Variants in ABLIM1 observed in about 807,000 individuals in gnomAD.
ABLIM1 encodes actin-binding LIM protein 1.
Under a neutral mutation model 107.0 loss-of-function variants are expected in ABLIM1, and 40 were observed. That is an observed-to-expected ratio of 0.37 (90% CI 0.29 to 0.49). The LOEUF is 0.49. ABLIM1 is among the 20% of genes least tolerant of loss of function. The pLI is 0.97. For synonymous variants in ABLIM1, 357 were observed against 357.3 expected (o/e 1.00, Z 0.01); for missense variants, 857 against 1,008.5 (o/e 0.85, Z 2.04).
intron 4 of ABLIM1, among the ~76,000 whole-genome samples, chr10:114,556,647 T>C (rs927892026): frequency 4.6e-5 from 7 of 152,208 alleles, no homozygotes; most frequent in Non-Finnish European, 8.8e-5. Context: ...AAACCTCTCC[T>C]TGACCAAAAA....
At chr10:114,521,151 T>C (rs1239194138) in intron 6 of ABLIM1, among the ~76,000 whole-genome samples, 2 of 152,194 alleles carry the variant, frequency 1.3e-5, no homozygotes, top group South Asian at 2.1e-4. Flanking sequence ...TTTCATTCAT[T>C]TGGCAAAAGC....
chr10:114,432,814 A>T lies in ABLIM1; in HGVS notation c.*3446T>A, dbSNP rs1351079179. 2.6e-5 allele frequency: 4 copies of T among 152,178 alleles called. No individual in the cohort carries two copies. The highest frequency in any genetic ancestry group is 9.6e-5 in the African/African-American group (4 of 41,456). The allele number at this position is 152,178 out of a possible 1,614,324, so 9.4% of individuals were successfully genotyped here. ...CCCATTTAAAAAAAAACAACAACTC[A>T]TTAACTCTATCTCTTTGAGGTTTTG... On this transcript the variant is annotated 3_prime_UTR_variant, in exon 23 of 23. Coordinates refer to ENST00000533213, the MANE Select transcript of ABLIM1 (RefSeq NM_002313.7).
chr10:114,505,686 G>A (rs1355751805), intron 6 of ABLIM1, among the ~76,000 whole-genome samples: 1 of 152,178 alleles, frequency 6.6e-6, no homozygotes, highest in African/African-American at 2.4e-5. Context: ...GCAAATGGCT[G>A]ATCCCAATTC....
At chr10:114,678,397 C>T (rs543271949) in intron 1 of ABLIM1, among the ~76,000 whole-genome samples, 6 of 152,322 alleles carry the variant, frequency 3.9e-5, no homozygotes, top group African/African-American at 1.2e-4. Flanking sequence ...CTAAACTAAT[C>T]TTTATCGCCT....
chr10:114,558,600 C>T (rs183885197), intron 4 of ABLIM1, among the ~76,000 whole-genome samples: 2 of 152,210 alleles, frequency 1.3e-5, no homozygotes, highest in African/African-American at 2.4e-5. Flanking sequence ...AGAGCAAGTA[C>T]TCCAGCTACT....
intron 14 of ABLIM1, 110 bp downstream of exon 14, chr10:114,451,514 C>A: frequency 1.0e-6 from 1 of 991,462 alleles, no homozygotes; most frequent in South Asian, 1.3e-5. Context: ...TGCTGGATGC[C>A]CCAGTTTTAC....
At chr10:114,769,172 G>GAAAAAA (rs35691537), upstream of ABLIM1, among the ~76,000 whole-genome samples, 23 of 46,512 alleles carry the variant, frequency 4.9e-4, no homozygotes, top group Admixed American at 8.4e-4. Context: ...TGTCTTCAAT[G>GAAAAAA]AAAAAAAAAA....
the ABLIM1 span, among the ~76,000 whole-genome samples, chr10:114,789,519 C>T: frequency 6.6e-6 from 1 of 152,068 alleles, no homozygotes; most frequent in Admixed American, 6.6e-5. Context: ...TAGGTAAACT[C>T]GTGAACTAAT....
At chr10:114,776,579 C>G in the ABLIM1 span, among the ~76,000 whole-genome samples, 4 of 152,106 alleles carry the variant, frequency 2.6e-5, no homozygotes, top group African/African-American at 9.7e-5. Context: ...TGCCACTGCA[C>G]TCCAGCCTGG....
In ABLIM1 at chr10:114,551,721, C is replaced by A. The variant is rs941769195; in HGVS notation, c.674-3945G>T. On this transcript the variant is annotated intron_variant, in intron 4 of 22. Coordinates refer to ENST00000533213, the MANE Select transcript of ABLIM1 (RefSeq NM_002313.7). ...CCAGTCTCTAGACCCTATTTTCCTGCCTCACCACTATGATCATTCTGCACT... is the reference window on the plus strand; with the variant it reads ...CCAGTCTCTAGACCCTATTTTCCTGACTCACCACTATGATCATTCTGCACT... Among the ~76,000 whole-genome samples, 15 of 152,230 alleles carry A rather than the reference C, an allele frequency of 9.9e-5. 1 individual carries two copies. Among genetic ancestry groups the A allele is most frequent in the Admixed American group, 9.2e-4 (14 of 15,280 alleles).
chr10:114,719,551 T>C (rs1417159420), intron 1 of ABLIM1, among the ~76,000 whole-genome samples: 1 of 152,252 alleles, frequency 6.6e-6, no homozygotes, highest in African/African-American at 2.4e-5. Context: ...GACCTTTGGA[T>C]GGCTGGTGTC....
intron 1 of ABLIM1, among the ~76,000 whole-genome samples, chr10:114,693,779 G>A (rs1259934975): frequency 6.6e-6 from 1 of 151,324 alleles, no homozygotes; most frequent in Non-Finnish European, 1.5e-5. Flanking sequence ...CTCCCAAACA[G>A]CTAGGACACA....
intron 1 of ABLIM1, among the ~76,000 whole-genome samples, chr10:114,627,074 C>T (rs1354826114): frequency 3.3e-5 from 5 of 152,180 alleles, no homozygotes; most frequent in East Asian, 1.9e-4. Context: ...GTTTAAGCCG[C>T]TCAGTCTGTG....
intron 6 of ABLIM1, among the ~76,000 whole-genome samples, chr10:114,531,631 C>G (rs1666382211): frequency 6.6e-6 from 1 of 151,820 alleles, no homozygotes; most frequent in Admixed American, 6.6e-5. Context: ...GATTCTCTTG[C>G]CTCAGCCTCC....
chr10:114,702,069 A>G (rs573091410), intron 1 of ABLIM1, among the ~76,000 whole-genome samples: 9 of 152,208 alleles, frequency 5.9e-5, no homozygotes, highest in Non-Finnish European at 1.2e-4. Context: ...AATTTTAACT[A>G]TGCATTACAG....
chr10:114,768,294 G>A (rs1246576188), upstream of ABLIM1, among the ~76,000 whole-genome samples: 2 of 146,482 alleles, frequency 1.4e-5, no homozygotes, highest in African/African-American at 2.5e-5. Context: ...GCTGACACCC[G>A]CGGCCGCGCT....
chr10:114,564,519 C>T (rs1200558624), intron 4 of ABLIM1, among the ~76,000 whole-genome samples: 1 of 152,004 alleles, frequency 6.6e-6, no homozygotes, highest in African/African-American at 2.4e-5. Flanking sequence ...GATCTGCCCA[C>T]CTCAGCCTCC....
chr10:114,742,089 G>A (rs1229333149), intron 1 of ABLIM1, among the ~76,000 whole-genome samples: 1 of 152,164 alleles, frequency 6.6e-6, no homozygotes, highest in Non-Finnish European at 1.5e-5. Context: ...TTAGGGTAAA[G>A]CAAACCTTAA....
intron 22 of ABLIM1, among the ~76,000 whole-genome samples, chr10:114,436,720 A>G (rs2059453013): frequency 6.6e-6 from 1 of 152,130 alleles, no homozygotes; most frequent in Non-Finnish European, 1.5e-5. Flanking sequence ...ATCGCAATAG[A>G]AAGCCAAAGA....
Sources: allele counts gnomAD v4.1 joint callset (sites outside exome capture counted in the v4.1 genomes callset), GRCh38; gene constraint gnomAD v4.1.1; transcripts MANE v1.5; gene names NCBI Gene and HGNC (gene_info 2026-07-23, HGNC 2026-07-21).